Variants in CDKN3 observed in about 807,000 individuals in gnomAD.
CDKN3 encodes the protein cyclin-dependent kinase inhibitor 3.
CDKN3 carries 19 observed loss-of-function variants against 36.1 expected under a neutral mutation model. The ratio of observed to expected loss-of-function variants is 0.53; its 90% CI spans 0.37 to 0.77. The LOEUF is 0.77. Among genes scored for constraint, CDKN3 ranks in the 30% least tolerant of loss-of-function variants. The pLI is 0.00. For synonymous variants in CDKN3, 71 were observed against 85.3 expected, an observed-to-expected ratio of 0.83 and a Z score of 0.92; for missense variants, 188 against 248.6, an observed-to-expected ratio of 0.76 and a Z score of 1.64.
chr14:54,397,973 A>G (rs374209549), intron 1 of CDKN3, among the ~76,000 whole-genome samples: 1 of 152,226 alleles, frequency 6.6e-6, no homozygotes, highest in African/African-American at 2.4e-5. Flanking sequence ...TCTACTAAAA[A>G]TACAAACATT....
intron 4 of CDKN3, among the ~76,000 whole-genome samples, chr14:54,409,528 T>A (rs1272828875): frequency 6.6e-6 from 1 of 152,168 alleles, no homozygotes; most frequent in East Asian, 1.9e-4. Flanking sequence ...AGTTTGCTAA[T>A]GTACTTTTAA....
rs569770560 is a variant in CDKN3, at chr14:54,416,510, C to A, written c.448+580C>A. 1.1e-4 allele frequency among the ~76,000 whole-genome samples: 17 copies of A among 152,232 alleles called. No homozygotes were observed. The South Asian group carries it at 3.3e-3, about 30-fold the overall frequency. On this transcript the variant is annotated intron_variant, in intron 6 of 7. Transcript: ENST00000335183. The stretch of plus-strand genomic sequence containing the variant: ...TTGTATCCAGAATATAAAAAGAACT[C>A]TTACAACTCAGTAATAAAGATAGGC...
At chr14:54,397,102 G>A in intron 1 of CDKN3, 25 bp downstream of exon 1, 6 of 1,493,486 alleles carry the variant, frequency 4.0e-6, no homozygotes, top group East Asian at 2.8e-5. Flanking sequence ...CTGGGGTTTG[G>A]AGGAGCGAGG....
chr14:54,412,542 T>C (rs924236934), intron 5 of CDKN3, among the ~76,000 whole-genome samples: 1 of 152,096 alleles, frequency 6.6e-6, no homozygotes, highest in African/African-American at 2.4e-5. Context: ...TCAGTGGCTA[T>C]AAAAACACAA....
chr14:54,412,915 A>T (rs770157046), intron 5 of CDKN3: 20 of 509,274 alleles, frequency 3.9e-5, no homozygotes, highest in Non-Finnish European at 6.7e-5. Context: ...AGAAGTATAG[A>T]AATTATATCA....
intron 3 of CDKN3, among the ~76,000 whole-genome samples, chr14:54,402,078 C>T (rs1444747913): frequency 6.6e-6 from 1 of 151,788 alleles, no homozygotes; most frequent in Non-Finnish European, 1.5e-5. Context: ...CATGGTGGCA[C>T]GTGCCTATAG....
chr14:54,407,786 G>T (rs4251618), intron 3 of CDKN3, among the ~76,000 whole-genome samples: 21,252 of 152,220 alleles, frequency 0.14, 1,622 homozygotes, highest in Admixed American at 0.17. Context: ...GTTGGGCTCC[G>T]TTGGGGGTGG....
At chr14:54,408,892 A>G in intron 4 of CDKN3, 103 bp downstream of exon 4, 1 of 1,398,574 alleles carries the variant, frequency 7.2e-7, no homozygotes, top group South Asian at 1.7e-5. Context: ...TAATATAAAA[A>G]TAAGTTTTCA....
intron 1 of CDKN3, among the ~76,000 whole-genome samples, 175 bp downstream of exon 1, chr14:54,397,252 G>A (rs921369917): frequency 1.3e-5 from 2 of 152,280 alleles, no homozygotes; most frequent in African/African-American, 4.8e-5. Context: ...CACGAGAGAC[G>A]AAGGAGCAGG....
intron 6 of CDKN3, among the ~76,000 whole-genome samples, chr14:54,417,333 AT>A (rs1594609855): frequency 6.6e-6 from 1 of 152,252 alleles, no homozygotes; most frequent in East Asian, 1.9e-4. Flanking sequence ...AAGGAATTAA[AT>A]ACAGACATAT....
intron 1 of CDKN3, among the ~76,000 whole-genome samples, chr14:54,398,715 C>G (rs1886389181): frequency 6.6e-6 from 1 of 152,098 alleles, no homozygotes; most frequent in African/African-American, 2.4e-5. Flanking sequence ...TAGAAGTCTT[C>G]CATGTCAAAA....
chr14:54,400,641 C>G (rs1566703474), intron 2 of CDKN3, among the ~76,000 whole-genome samples: 1 of 152,206 alleles, frequency 6.6e-6, no homozygotes, highest in Non-Finnish European at 1.5e-5. Context: ...AAAGCACTAT[C>G]CCTACTGTCA....
chr14:54,413,981 C>T, intron 5 of CDKN3: 1 of 274,386 alleles, frequency 3.6e-6, no homozygotes, highest in South Asian at 8.8e-5. Flanking sequence ...CCTTCCATGC[C>T]TCTTCCTAGC....
intron 3 of CDKN3, among the ~76,000 whole-genome samples, chr14:54,406,906 G>A (rs1456772423): frequency 3.9e-5 from 6 of 152,060 alleles, no homozygotes; most frequent in Non-Finnish European, 8.8e-5. Context: ...GTGATCCTTT[G>A]GAGGAGAAGA....
rs1395200975 is a variant in CDKN3, at chr14:54,401,580, G to T, written c.148+1G>T. ...TTTCTCGGTTTATGTGCTCTTCCAGGTGGGTAACACAATAATGGGCTTCCT... is the reference window on the plus strand; with the variant it reads ...TTTCTCGGTTTATGTGCTCTTCCAGTTGGGTAACACAATAATGGGCTTCCT... On this transcript the variant is annotated splice_donor_variant, in intron 3 of 7. Transcript: ENST00000335183. LOFTEE classifies it high-confidence loss of function. 1 of 1,598,542 alleles carries T rather than the reference G, an allele frequency of 6.3e-7. No individual in the cohort carries two copies. Among genetic ancestry groups the T allele is most frequent in the Non-Finnish European group, 8.6e-7 (1 of 1,168,202 alleles).
chr14:54,412,765 G>A, intron 5 of CDKN3: 1 of 418,216 alleles, frequency 2.4e-6, no homozygotes, highest in South Asian at 1.6e-5. Flanking sequence ...GCCAGCCATG[G>A]GGAGGAAACT....
At chr14:54,398,536 G>A (rs1243082944) in intron 1 of CDKN3, among the ~76,000 whole-genome samples, 1 of 152,208 alleles carries the variant, frequency 6.6e-6, no homozygotes, top group African/African-American at 2.4e-5. Flanking sequence ...GCAAGCCCAC[G>A]TGGCAACAGC....
chr14:54,400,200 T>A (rs1347232863), intron 2 of CDKN3, among the ~76,000 whole-genome samples: 4 of 150,110 alleles, frequency 2.7e-5, no homozygotes. Context: ...TTTTGGCCCT[T>A]CTTTATACAT....
chr14:54,400,174 T>C (rs1165480040), intron 2 of CDKN3, among the ~76,000 whole-genome samples, 198 bp downstream of exon 2: 1 of 146,190 alleles, frequency 6.8e-6, no homozygotes, highest in Non-Finnish European at 1.5e-5. Flanking sequence ...TAATACAGAA[T>C]AAGACCCTTT....
Sources: gnomAD v4.1 joint callset for allele counts (sites outside exome capture counted in the v4.1 genomes callset) on GRCh38, gnomAD v4.1.1 for gene constraint, MANE v1.5 for transcripts, NCBI Gene and HGNC (gene_info 2026-07-23, HGNC 2026-07-21) for gene names.